CHRM3: variants seen among roughly 807,000 people sequenced by gnomAD.
CHRM3 encodes muscarinic acetylcholine receptor M3.
CHRM3 carries 11 observed loss-of-function variants against 41.8 expected under a neutral mutation model. The ratio of observed to expected loss-of-function variants is 0.26; its 90% CI spans 0.17 to 0.44. CHRM3 has a LOEUF of 0.44. CHRM3 is among the 20% of genes least tolerant of loss of function. The pLI is 1.00. For synonymous variants in CHRM3, 297 were observed against 301.4 expected (o/e 0.99, Z 0.15); for missense variants, 571 against 745.4 (o/e 0.77, Z 2.72).
intron 2 of CHRM3, among the ~76,000 whole-genome samples, chr1:239,542,617 T>A (rs1658890870): frequency 6.6e-6 from 1 of 152,168 alleles, no homozygotes; most frequent in Non-Finnish European, 1.5e-5. Context: ...GGCTGTTGAA[T>A]ATGAGGCCAG....
At chr1:239,433,168 A>G (rs549261759) in intron 1 of CHRM3, among the ~76,000 whole-genome samples, 56 of 152,310 alleles carry the variant, frequency 3.7e-4, no homozygotes, top group African/African-American at 1.3e-3. Context: ...ATATTTTTAA[A>G]GAATCTTATC....
At chr1:239,738,890 T>C (rs1189039922) in intron 5 of CHRM3, among the ~76,000 whole-genome samples, 2 of 152,216 alleles carry the variant, frequency 1.3e-5, no homozygotes, top group African/African-American at 4.8e-5. Context: ...ATTTAAGGTT[T>C]GTTTTTGAGG....
In CHRM3 at chr1:239,450,065, T is replaced by G. The variant is rs542226242; in HGVS notation, c.-520-42644T>G. Among the ~76,000 whole-genome samples, 8 of 152,322 alleles carry G rather than the reference T, an allele frequency of 5.3e-5. No individual in the cohort carries two copies. The East Asian group carries it at 1.5e-3, about 29-fold the overall frequency. Reference sequence around the variant, plus strand: ...CTTTGTCAAGAACACGTTTTGCACGTTGTTGCCTTTGTCGATTACATGTTT... The same window carrying G: ...CTTTGTCAAGAACACGTTTTGCACGGTGTTGCCTTTGTCGATTACATGTTT... On this transcript the variant is annotated intron_variant, in intron 1 of 6. Transcript: ENST00000676153.
intron 5 of CHRM3, among the ~76,000 whole-genome samples, chr1:239,698,868 A>G (rs1036509454): frequency 6.6e-6 from 1 of 152,204 alleles, no homozygotes; most frequent in Middle Eastern, 3.2e-3. Flanking sequence ...GCACTTCAAA[A>G]GTAATAGAAT....
intron 5 of CHRM3, among the ~76,000 whole-genome samples, chr1:239,804,538 A>T (rs1670476683): frequency 6.6e-6 from 1 of 152,152 alleles, no homozygotes. Context: ...TGACGTCTTC[A>T]CTTGGATCAG....
chr1:239,486,720 G>T (rs1408060374), intron 1 of CHRM3, among the ~76,000 whole-genome samples: 1 of 152,132 alleles, frequency 6.6e-6, no homozygotes, highest in Non-Finnish European at 1.5e-5. Context: ...CCCTGATTTA[G>T]AATATCTTCC....
intron 1 of CHRM3, among the ~76,000 whole-genome samples, chr1:239,459,231 A>C (rs1665182311): frequency 6.6e-6 from 1 of 152,174 alleles, no homozygotes; most frequent in African/African-American, 2.4e-5. Flanking sequence ...ATGAAAAATC[A>C]AGTACCTATT....
At chr1:239,405,301 G>C (rs539711893) in intron 1 of CHRM3, among the ~76,000 whole-genome samples, 1 of 152,258 alleles carries the variant, frequency 6.6e-6, no homozygotes, top group East Asian at 1.9e-4. Flanking sequence ...TCCACTGGTA[G>C]TTTACTTGCT....
chr1:239,730,416 G>C (rs945964631), intron 5 of CHRM3: 1 of 152,000 alleles, frequency 6.6e-6, no homozygotes, highest in Admixed American at 6.6e-5. Flanking sequence ...ATGTGATGTC[G>C]TGGAGGTCTG....
chr1:239,723,665 A>T (rs2148358749), intron 5 of CHRM3, among the ~76,000 whole-genome samples: 1 of 152,112 alleles, frequency 6.6e-6, no homozygotes, highest in South Asian at 2.1e-4. Flanking sequence ...CATTTGCAGG[A>T]TATAAGGTGA....
At chr1:239,488,941 G>C (rs189175787) in intron 1 of CHRM3, among the ~76,000 whole-genome samples, 160 of 152,112 alleles carry the variant, frequency 1.1e-3, no homozygotes, top group African/African-American at 3.7e-3. Flanking sequence ...TAGAAAATAG[G>C]TTAGGAGAAC....
chr1:239,524,698 A>G (rs745611366), intron 2 of CHRM3, among the ~76,000 whole-genome samples: 5 of 152,138 alleles, frequency 3.3e-5, no homozygotes, highest in Non-Finnish European at 7.3e-5. Flanking sequence ...AAACAAACTC[A>G]AAAAGTTTGA....
chr1:239,452,046 T>C (rs1664594655), intron 1 of CHRM3, among the ~76,000 whole-genome samples: 1 of 152,196 alleles, frequency 6.6e-6, no homozygotes, highest in Non-Finnish European at 1.5e-5. Flanking sequence ...CCTTTAAAAA[T>C]GGTTTTTATT....
At chr1:239,716,254 G>A (rs1662353667) in intron 5 of CHRM3, among the ~76,000 whole-genome samples, 1 of 152,072 alleles carries the variant, frequency 6.6e-6, no homozygotes, top group South Asian at 2.1e-4. Context: ...TTGTAGAACT[G>A]ATGGAGTGGA....
Position 239,908,569 on chromosome 1 carries a change from G to T in CHRM3, c.1118G>T (p.Gly373Val). 6.3e-7 allele frequency: 1 copy of T among 1,591,332 alleles called. No individual in the cohort carries two copies. ...TACTCCATCGTGCTCAAGCTTCCGG[G>T]TCACAGCACCATCCTCAACTCCACC... ...AIYSIVLKLP[G>V]HSTILNSTKL... Residue 373 changes from glycine to valine, a missense_variant, in exon 7 of 7, where the codon GGT becomes GTT. By Grantham distance (109) the Gly-to-Val change is moderately radical. Around this residue, in one of 5 missense-constraint regions of CHRM3, gnomAD observed 239 missense variants for 239.6 expected, o/e 1.00. Coordinates refer to ENST00000676153, the MANE Select transcript of CHRM3 (RefSeq NM_001375978.1). This position sits in a 1 kb window ranked among gnomAD's most constrained non-coding sequence, Gnocchi z 7.2.
intron 5 of CHRM3, among the ~76,000 whole-genome samples, chr1:239,733,376 G>A (rs545152966): frequency 2.9e-4 from 44 of 152,052 alleles, no homozygotes; most frequent in African/African-American, 9.6e-4. Flanking sequence ...GATTTCCCCC[G>A]TTGTCTCAAA....
At chr1:239,694,653 C>A (rs887364400) in intron 5 of CHRM3, among the ~76,000 whole-genome samples, 9 of 152,072 alleles carry the variant, frequency 5.9e-5, no homozygotes, top group Non-Finnish European at 2.9e-5. Flanking sequence ...GCTTAAAAAT[C>A]AAAGGGATTA....
rs541116672 is a variant in CHRM3 at position 239,745,390 on chromosome 1, C to T, written c.-147+67102C>T. Among the ~76,000 whole-genome samples the T allele has an allele frequency of 3.0e-3, 455 of 151,698 alleles. 1 individual carries two copies. The highest frequency in any genetic ancestry group is 4.9e-3 in the Non-Finnish European group (336 of 67,958). On this transcript the variant is annotated intron_variant, in intron 5 of 6. Coordinates refer to ENST00000676153, the MANE Select transcript of CHRM3 (RefSeq NM_001375978.1). ...TTGAAAGTTGAAAGTGATGGTCACG[C>T]GGTATGCAAGTCAAAAGCTATGGAA...
At chr1:239,618,703 G>A (rs1418444990) in intron 3 of CHRM3, among the ~76,000 whole-genome samples, 1 of 150,638 alleles carries the variant, frequency 6.6e-6, no homozygotes, top group Non-Finnish European at 1.5e-5. Flanking sequence ...AATTAGCTGG[G>A]CGTGGTGGCA....
Sources: allele counts gnomAD v4.1 joint callset (sites outside exome capture counted in the v4.1 genomes callset), GRCh38; gene constraint gnomAD v4.1.1; regional missense constraint gnomAD v4.1.1; non-coding constraint Gnocchi (gnomAD v3.1); transcripts MANE v1.5; gene names NCBI Gene and HGNC (gene_info 2026-07-23, HGNC 2026-07-21).